IL22RA1: variants seen among roughly 807,000 people sequenced by gnomAD.
The protein encoded by IL22RA1 is interleukin-22 receptor subunit alpha-1.
IL22RA1 carries 25 observed loss-of-function variants against 32.8 expected under a neutral mutation model. The ratio of observed to expected loss-of-function variants is 0.76; its 90% CI spans 0.55 to 1.06. IL22RA1 has a LOEUF of 1.06. IL22RA1 is among the 50% of genes least tolerant of loss of function. The pLI is 0.00. For synonymous variants in IL22RA1, 305 were observed against 305.0 expected (o/e 1.00, Z 0.00); for missense variants, 709 against 727.4 (o/e 0.97, Z 0.29).
At position 24,123,139 on chromosome 1, in the gene IL22RA1, A is replaced by ACACGT. The variant is rs1262038270; in HGVS notation, c.792+158_792+162dup. Among the ~76,000 whole-genome samples, 3 of 152,196 alleles carry ACACGT rather than the reference A, an allele frequency of 2.0e-5. 1 individual carries two copies. The highest frequency in any genetic ancestry group is 4.4e-5 in the Non-Finnish European group (3 of 68,036). On this transcript the variant is annotated intron_variant, in intron 6 of 6. Transcript: ENST00000270800. ...AATGTGTCCTGAGACCTGCTGGGCT[A>ACACGT]CACGTCCGTTGACTTTAGCTGGGAC... is the stretch of plus-strand genomic sequence containing the variant.
intron 4 of IL22RA1, among the ~76,000 whole-genome samples, chr1:24,129,257 T>C (rs1218173861): frequency 6.6e-6 from 1 of 152,164 alleles, no homozygotes; most frequent in Non-Finnish European, 1.5e-5. Context: ...TCTCACATAC[T>C]CTCCAGCCAC....
intron 6 of IL22RA1, among the ~76,000 whole-genome samples, chr1:24,122,214 GT>G (rs1248836281): frequency 5.9e-5 from 9 of 152,308 alleles, no homozygotes; most frequent in African/African-American, 2.2e-4. Flanking sequence ...GAGCTCCTCT[GT>G]CCCTCCGATG....
intron 4 of IL22RA1, among the ~76,000 whole-genome samples, chr1:24,129,653 CTG>C (rs113040083): frequency 1.3e-5 from 2 of 152,326 alleles, no homozygotes; most frequent in African/African-American, 4.8e-5. Context: ...AGTTCAAAAA[CTG>C]AGAATTTTCT....
intron 1 of IL22RA1, among the ~76,000 whole-genome samples, chr1:24,142,079 C>T (rs1234405407): frequency 6.6e-6 from 1 of 152,136 alleles, no homozygotes; most frequent in Non-Finnish European, 1.5e-5. Flanking sequence ...TCTAAAGGGA[C>T]GTGTCTTGGT....
chr1:24,141,162 G>A (rs952207895), intron 1 of IL22RA1, among the ~76,000 whole-genome samples: 1 of 152,256 alleles, frequency 6.6e-6, no homozygotes, highest in Non-Finnish European at 1.5e-5. Flanking sequence ...GCGGGGAGGG[G>A]TCTACTGCCT....
intron 1 of IL22RA1, among the ~76,000 whole-genome samples, chr1:24,142,101 G>T (rs1029892421): frequency 1.3e-5 from 2 of 152,296 alleles, no homozygotes; most frequent in East Asian, 1.9e-4. Context: ...CCTCAAGGGG[G>T]TGCCTCACAT....
chr1:24,137,192 A>T lies in IL22RA1; in HGVS notation c.294T>A (p.Ala98=). 1 of 1,614,126 alleles carries T rather than the reference A, an allele frequency of 6.2e-7. No homozygotes were observed. The highest frequency in any genetic ancestry group is 8.5e-7 in the Non-Finnish European group (1 of 1,180,022). ...TGGCTGACCGGCCTCCCGCACTGAC[A>T]GCGGTGACCCTGGCATAGTAGAGCT... ...LTELYYARVT[A]VSAGGRSATK... is the part of the protein sequence containing the mutation. Residue 98 remains alanine, a synonymous_variant, in exon 3 of 7, where the codon GCT becomes GCA. Coordinates refer to ENST00000270800, the MANE Select transcript of IL22RA1 (RefSeq NM_021258.4).
intron 2 of IL22RA1, 54 bp from the exon 3 acceptor site, chr1:24,137,363 GC>G: frequency 6.5e-7 from 1 of 1,538,820 alleles, no homozygotes; most frequent in African/African-American, 1.4e-5. Flanking sequence ...CCAGCGCTAG[GC>G]CTGTGGCTTA....
intron 1 of IL22RA1, among the ~76,000 whole-genome samples, chr1:24,140,385 C>T (rs948014224): frequency 2.6e-4 from 40 of 152,278 alleles, no homozygotes; most frequent in African/African-American, 9.6e-4. Context: ...GAAGGGAAGA[C>T]ATTCGCTCTG....
intron 3 of IL22RA1, 151 bp downstream of exon 3, chr1:24,136,980 C>T: frequency 1.4e-6 from 1 of 694,474 alleles, no homozygotes; most frequent in Admixed American, 2.9e-5. Flanking sequence ...TGGGGGGCTT[C>T]CCTAAAAGCC....
Position 24,127,714 on chromosome 1 carries a change from G to T in IL22RA1, c.670+427C>A, listed in dbSNP as rs187798720. On this transcript the variant is annotated intron_variant, in intron 5 of 6. Transcript: ENST00000270800. ...TAGACTGCTCATGAGGCTTGCCCTT[G>T]GTTGTGCCTGGTTCCCAGTTAGCAC... 5.3e-3 allele frequency among the ~76,000 whole-genome samples: 810 copies of T among 152,268 alleles called. 21 individuals carry two copies. Among genetic ancestry groups the T allele is most frequent in the Non-Finnish European group, 1.9e-3 (128 of 68,020 alleles).
At chr1:24,123,174 C>G in intron 6 of IL22RA1, 128 bp downstream of exon 6, 3 of 1,366,108 alleles carry the variant, frequency 2.2e-6, no homozygotes, top group South Asian at 3.0e-5. Flanking sequence ...CTGTGAGCTC[C>G]GTGAATGGAG....
intron 5 of IL22RA1, among the ~76,000 whole-genome samples, 170 bp downstream of exon 5, chr1:24,127,971 T>A (rs1213544977): frequency 6.6e-6 from 1 of 152,200 alleles, no homozygotes; most frequent in African/African-American, 2.4e-5. Context: ...TGATAACTCA[T>A]CAGCCAACTC....
intron 1 of IL22RA1, among the ~76,000 whole-genome samples, chr1:24,142,296 A>G (rs1644287039): frequency 6.6e-6 from 1 of 152,242 alleles, no homozygotes; most frequent in South Asian, 2.1e-4. Flanking sequence ...CCTGCTCGCC[A>G]TCCTCAATCA....
rs775622958 is a variant in IL22RA1 at position 24,134,248 on chromosome 1, TA to T, written c.493del (p.Tyr165ThrfsTer3). On this transcript the variant is annotated frameshift_variant, in exon 4 of 7. Transcript: ENST00000270800. LOFTEE classifies it high-confidence loss of function. ...GCGGTTGACCTGGAGCTCTAAGTGG[TA>T]GAACAGGTCATGGAAGATGTCTTCC... Reference protein sequence around the residue: ...TLEDIFHDLFYHLELQVNRTY... With the variant: ...TLEDIFHDLFXHLELQVNRTY... 14 of 1,611,896 alleles carry T rather than the reference TA, an allele frequency of 8.7e-6. No homozygotes were observed. Among genetic ancestry groups the T allele is most frequent in the African/African-American group, 1.3e-5 (1 of 74,620 alleles).
At chr1:24,138,503 T>C in intron 2 of IL22RA1, 79 bp downstream of exon 2, 1 of 1,502,326 alleles carries the variant, frequency 6.7e-7, no homozygotes, top group Non-Finnish European at 9.2e-7. Context: ...CATGGGAACA[T>C]ATGGAGAGGA....
chr1:24,132,961 A>G (rs1038129831), intron 4 of IL22RA1, among the ~76,000 whole-genome samples: 9 of 151,698 alleles, frequency 5.9e-5, no homozygotes, highest in Admixed American at 2.0e-4. Context: ...CTACCCTATT[A>G]TTTGCTGAAC....
At chr1:24,125,423 A>C (rs1204517357) in intron 5 of IL22RA1, among the ~76,000 whole-genome samples, 1 of 152,198 alleles carries the variant, frequency 6.6e-6, no homozygotes, top group African/African-American at 2.4e-5. Context: ...CTCTTCCGTC[A>C]TCAAGATGCT....
At chr1:24,127,035 A>C (rs1372813973) in intron 5 of IL22RA1, among the ~76,000 whole-genome samples, 1 of 148,422 alleles carries the variant, frequency 6.7e-6, no homozygotes, top group Non-Finnish European at 1.5e-5. Flanking sequence ...AAAAAAAAAA[A>C]TTAGCCAGGC....
Sources: gnomAD v4.1 joint callset for allele counts (sites outside exome capture counted in the v4.1 genomes callset) on GRCh38, gnomAD v4.1.1 for gene constraint, MANE v1.5 for transcripts, NCBI Gene and HGNC (gene_info 2026-07-23, HGNC 2026-07-21) for gene names.